RBFOX1: variants seen among roughly 807,000 people sequenced by gnomAD.
The protein encoded by RBFOX1 is RNA binding protein fox-1 homolog 1.
Under a neutral mutation model 57.7 loss-of-function variants are expected in RBFOX1, and 8 were observed. The observed-to-expected ratio is 0.14, with a 90% confidence interval of 0.08 to 0.25. The LOEUF is 0.25. Among genes scored for constraint, RBFOX1 ranks in the 10% least tolerant of loss-of-function variants. RBFOX1 has a pLI of 1.00. For synonymous variants in RBFOX1, 326 were observed against 222.4 expected (o/e 1.47, Z -4.15); for missense variants, 611 against 548.5 (o/e 1.11, Z -1.14).
intron 3 of RBFOX1, among the ~76,000 whole-genome samples, chr16:5,820,449 G>T (rs539574949): frequency 1.3e-5 from 2 of 152,104 alleles, no homozygotes; most frequent in African/African-American, 4.8e-5. Flanking sequence ...GACCGTGCCG[G>T]GATTGATCAG....
intron 4 of RBFOX1, among the ~76,000 whole-genome samples, chr16:5,920,374 G>A (rs557927203): frequency 6.6e-6 from 1 of 152,156 alleles, no homozygotes; most frequent in Non-Finnish European, 1.5e-5. Context: ...CATTTGGGCT[G>A]TTCCTACCTT....
intron 4 of RBFOX1, among the ~76,000 whole-genome samples, chr16:7,171,249 C>A (rs1200324264): frequency 1.3e-5 from 2 of 152,182 alleles, no homozygotes; most frequent in African/African-American, 2.4e-5. Context: ...CTTAGGAAAG[C>A]AGCTTAAAGT....
chr16:7,384,834 G>C (rs2097850368), intron 4 of RBFOX1, among the ~76,000 whole-genome samples: 1 of 152,192 alleles, frequency 6.6e-6, no homozygotes, highest in Non-Finnish European at 1.5e-5. Flanking sequence ...CTGGCATAGA[G>C]CTTATATTCT....
chr16:6,558,190 C>A (rs762094133), intron 2 of RBFOX1, among the ~76,000 whole-genome samples: 1 of 152,094 alleles, frequency 6.6e-6, no homozygotes, highest in East Asian at 1.9e-4. Flanking sequence ...TGGAGCGTAA[C>A]GTGCAGGTGT....
chr16:6,528,331 G>T (rs1038346925), intron 2 of RBFOX1, among the ~76,000 whole-genome samples: 1 of 152,146 alleles, frequency 6.6e-6, no homozygotes, highest in Non-Finnish European at 1.5e-5. Flanking sequence ...ACTCATTAGA[G>T]AATTGACAAG....
At chr16:5,389,854 C>T (rs570895600) in intron 1 of RBFOX1, among the ~76,000 whole-genome samples, 9 of 151,832 alleles carry the variant, frequency 5.9e-5, no homozygotes, top group Admixed American at 3.9e-4. Flanking sequence ...CCTGCCACCA[C>T]GACCAGCTAA....
At chr16:6,716,947 A>C (rs1470421311) in intron 3 of RBFOX1, among the ~76,000 whole-genome samples, 1 of 152,176 alleles carries the variant, frequency 6.6e-6, no homozygotes, top group African/African-American at 2.4e-5. Flanking sequence ...CCATTATATC[A>C]CTAGAGTGGA....
chr16:5,779,081 C>T (rs2054242060), intron 3 of RBFOX1, among the ~76,000 whole-genome samples: 1 of 152,168 alleles, frequency 6.6e-6, no homozygotes. Flanking sequence ...ACCATGCTGT[C>T]AATGACTAAG....
chr16:7,116,523 T>C (rs566583399), intron 4 of RBFOX1, among the ~76,000 whole-genome samples: 16 of 152,332 alleles, frequency 1.1e-4, no homozygotes, highest in Middle Eastern at 3.4e-3. Context: ...GCTCTGGATT[T>C]GTCTCTGCTC....
chr16:6,254,796 AAATTC>A (rs1300898204), intron 1 of RBFOX1, among the ~76,000 whole-genome samples: 2 of 152,276 alleles, frequency 1.3e-5, no homozygotes, highest in South Asian at 2.1e-4. Flanking sequence ...ATGTGAAAGG[AAATTC>A]AATTCATTAT....
chr16:7,675,191 A>G (rs986155422), intron 13 of RBFOX1, among the ~76,000 whole-genome samples: 1 of 152,150 alleles, frequency 6.6e-6, no homozygotes, highest in Non-Finnish European at 1.5e-5. Flanking sequence ...CAAGCTATAT[A>G]GAAAAATGGC....
chr16:7,657,631 G>T (rs960898591), intron 12 of RBFOX1, among the ~76,000 whole-genome samples: 1 of 152,170 alleles, frequency 6.6e-6, no homozygotes, highest in Non-Finnish European at 1.5e-5. Context: ...TTATTGATTT[G>T]CCTTTTCCTT....
chr16:5,709,744 A>G lies in RBFOX1; in HGVS notation c.318+110783A>G, dbSNP rs2051382470. Among the ~76,000 whole-genome samples the G allele has an allele frequency of 2.2e-5, 3 of 138,722 alleles. No individual in the cohort carries two copies. The South Asian group carries it at 7.0e-4, about 32-fold the overall frequency. 91.0% of individuals were successfully genotyped at this position (138,722 alleles called of 152,430 possible). On this transcript the variant is annotated intron_variant, in intron 3 of 19. Transcript: ENST00000641259. ...ATATATATAAAGTTCATTCAATGAG[A>G]TCTTTACACCAATATCTCCCATTTA...
intron 1 of RBFOX1, among the ~76,000 whole-genome samples, chr16:6,086,772 G>A (rs1377529610): frequency 1.3e-5 from 2 of 152,166 alleles, no homozygotes; most frequent in Admixed American, 6.6e-5. Context: ...TATTCAGCAG[G>A]TATTTATTAA....
intron 4 of RBFOX1, among the ~76,000 whole-genome samples, chr16:7,383,382 G>A (rs1182801033): frequency 1.3e-5 from 2 of 152,082 alleles, no homozygotes; most frequent in African/African-American, 2.4e-5. Flanking sequence ...AAAGCAGATG[G>A]CAAATATGTT....
intron 2 of RBFOX1, among the ~76,000 whole-genome samples, chr16:6,439,083 A>G (rs1411382711): frequency 6.6e-6 from 1 of 152,106 alleles, no homozygotes; most frequent in Non-Finnish European, 1.5e-5. Context: ...TTTTTGTAGG[A>G]CAACTCTGTT....
chr16:5,290,419 A>T (rs963459601), intron 1 of RBFOX1, among the ~76,000 whole-genome samples: 1 of 152,144 alleles, frequency 6.6e-6, no homozygotes, highest in African/African-American at 2.4e-5. Context: ...TAATGGATAC[A>T]GGGTTTCTTT....
intron 1 of RBFOX1, among the ~76,000 whole-genome samples, chr16:6,252,248 C>T (rs1311745099): frequency 6.6e-6 from 1 of 152,076 alleles, no homozygotes; most frequent in Admixed American, 6.5e-5. Context: ...AATACGCCCC[C>T]ACCCTAAACC....
chr16:7,680,344 A>G (rs965173362), intron 14 of RBFOX1, among the ~76,000 whole-genome samples: 1 of 152,188 alleles, frequency 6.6e-6, no homozygotes, highest in Non-Finnish European at 1.5e-5. Context: ...TGATGTGTAC[A>G]TGGCTTTGAT....
Sources: allele counts gnomAD v4.1 joint callset (sites outside exome capture counted in the v4.1 genomes callset), GRCh38; gene constraint gnomAD v4.1.1; transcripts MANE v1.5; gene names NCBI Gene and HGNC (gene_info 2026-07-23, HGNC 2026-07-21).